The following CCDC148 variants were observed in gnomAD, a reference collection of about 807,000 sequenced individuals.
CCDC148 encodes the protein coiled-coil domain containing 148, also known as coiled-coil domain-containing protein 148.
Under a neutral mutation model 85.7 loss-of-function variants are expected in CCDC148, and 89 were observed. That is an observed-to-expected ratio of 1.04 (90% CI 0.87 to 1.24). The LOEUF (loss-of-function observed/expected upper bound fraction) is 1.24. Ranked by LOEUF, CCDC148 falls within the 50% of genes most tolerant of loss-of-function variation. The probability of loss-of-function intolerance (pLI) is 0.00; values close to 1 mark genes in which losing one functional copy is unlikely to be tolerated. For synonymous variants in CCDC148, 230 were observed against 213.9 expected, an observed-to-expected ratio of 1.08 and a Z score of -0.66; for missense variants, 692 against 671.7, an observed-to-expected ratio of 1.03 and a Z score of -0.33.
chr2:158,304,268 G>A (rs531738026), intron 9 of CCDC148, among the ~76,000 whole-genome samples: 1 of 152,114 alleles, frequency 6.6e-6, no homozygotes, highest in Non-Finnish European at 1.5e-5. Context: ...CTAAAGAAAA[G>A]GAAAGCAAGT....
intron 11 of CCDC148, among the ~76,000 whole-genome samples, chr2:158,203,167 G>T (rs7567129): frequency 0.19 from 29,113 of 152,036 alleles, 2,978 homozygotes; most frequent in Middle Eastern, 0.26. Flanking sequence ...TGTCTTATTT[G>T]CTCCCTTCTG....
At chr2:158,269,953 A>T (rs1182605589) in intron 9 of CCDC148, among the ~76,000 whole-genome samples, 4 of 152,186 alleles carry the variant, frequency 2.6e-5, no homozygotes, top group African/African-American at 9.6e-5. Context: ...AACAAAGTAG[A>T]ACCTACACTA....
At chr2:158,401,686 G>T (rs1353244581) in intron 1 of CCDC148, among the ~76,000 whole-genome samples, 1 of 151,878 alleles carries the variant, frequency 6.6e-6, no homozygotes, top group African/African-American at 2.4e-5. Context: ...GAACTTAAAA[G>T]TATAATAATA....
intron 9 of CCDC148, among the ~76,000 whole-genome samples, chr2:158,255,198 T>C (rs1688962390): frequency 6.6e-6 from 1 of 151,546 alleles, no homozygotes; most frequent in Non-Finnish European, 1.5e-5. Context: ...CTAAATTGCT[T>C]CTACTTAATA....
intron 13 of CCDC148, among the ~76,000 whole-genome samples, chr2:158,174,591 G>A (rs1684482906): frequency 6.6e-6 from 1 of 152,006 alleles, no homozygotes; most frequent in South Asian, 2.1e-4. Context: ...GTCATAGCAT[G>A]TACTTACATA....
intron 9 of CCDC148, among the ~76,000 whole-genome samples, chr2:158,267,998 T>C (rs76822784): frequency 5.3e-5 from 8 of 152,228 alleles, no homozygotes; most frequent in Non-Finnish European, 8.8e-5. Context: ...ATTCATTAGT[T>C]GTAGGACGTT....
intron 3 of CCDC148, among the ~76,000 whole-genome samples, chr2:158,342,009 T>A (rs1682726483): frequency 6.8e-6 from 1 of 146,836 alleles, no homozygotes; most frequent in South Asian, 2.1e-4. Flanking sequence ...TTTATGTACG[T>A]GTCATTATTT....
At chr2:158,267,556 C>G (rs1689521738) in intron 9 of CCDC148, among the ~76,000 whole-genome samples, 1 of 152,110 alleles carries the variant, frequency 6.6e-6, no homozygotes. Flanking sequence ...TAGGTCATAA[C>G]CTATTAGCAG....
Position 158,411,142 on chromosome 2 carries a change from T to C in CCDC148, c.25+45273A>G, listed in dbSNP as rs74318855. Among the ~76,000 whole-genome samples the C allele has an allele frequency of 2.4e-3, 372 of 152,296 alleles. 8 individuals are homozygous for C. In the East Asian group the frequency reaches 0.061, roughly 25 times the overall value. On this transcript the variant is annotated intron_variant, in intron 1 of 13. Transcript: ENST00000283233. ...ATTGTCTGTCTTTGACTTTTTACAG[T>C]TATAATGTGCCTCAGAGTAGACCTC...
intron 1 of CCDC148, among the ~76,000 whole-genome samples, chr2:158,371,031 T>C (rs1467769828): frequency 1.3e-5 from 2 of 152,106 alleles, no homozygotes; most frequent in East Asian, 3.9e-4. Context: ...AAATTTTTCT[T>C]ATTTTATAGG....
chr2:158,234,701 C>T (rs774393946), intron 10 of CCDC148, among the ~76,000 whole-genome samples: 1 of 151,920 alleles, frequency 6.6e-6, no homozygotes, highest in Non-Finnish European at 1.5e-5. Context: ...TATGCAACCA[C>T]TAAAAATTAT....
intron 9 of CCDC148, among the ~76,000 whole-genome samples, chr2:158,297,696 G>A (rs1348576297): frequency 2.0e-5 from 3 of 152,164 alleles, no homozygotes; most frequent in African/African-American, 4.8e-5. Flanking sequence ...GGAGGGGGCA[G>A]AGAAGCAAGC....
intron 9 of CCDC148, 56 bp downstream of exon 9, chr2:158,309,377 A>G (rs1279212271): frequency 1.4e-6 from 2 of 1,432,402 alleles, no homozygotes; most frequent in Non-Finnish European, 1.9e-6. Flanking sequence ...AACAAAAGGG[A>G]AAAATGGATT....
At chr2:158,420,540 G>C (rs1686724084) in intron 1 of CCDC148, among the ~76,000 whole-genome samples, 1 of 152,102 alleles carries the variant, frequency 6.6e-6, no homozygotes, top group Non-Finnish European at 1.5e-5. Flanking sequence ...CAAATACTGA[G>C]AGATTTTGTC....
At chr2:158,431,109 A>G (rs922929279) in intron 1 of CCDC148, among the ~76,000 whole-genome samples, 1 of 152,008 alleles carries the variant, frequency 6.6e-6, no homozygotes, top group African/African-American at 2.4e-5. Context: ...GAATACTAAT[A>G]TACATGTAAG....
At chr2:158,359,596 C>G (rs971674594) in intron 1 of CCDC148, among the ~76,000 whole-genome samples, 2 of 152,114 alleles carry the variant, frequency 1.3e-5, no homozygotes, top group Non-Finnish European at 2.9e-5. Flanking sequence ...AAACTCCCTC[C>G]CCTAGCCAAG....
chr2:158,379,242 T>G (rs956340819), intron 1 of CCDC148, among the ~76,000 whole-genome samples: 2 of 152,100 alleles, frequency 1.3e-5, no homozygotes, highest in African/African-American at 2.4e-5. Flanking sequence ...AGGAAGTAAC[T>G]GCAGATGTGG....
chr2:158,181,189 G>GAA (rs1370830444), intron 11 of CCDC148, among the ~76,000 whole-genome samples: 8 of 152,182 alleles, frequency 5.3e-5, no homozygotes, highest in Admixed American at 5.2e-4. Context: ...TATATAGGTT[G>GAA]CTTTGTCTGC....
intron 9 of CCDC148, among the ~76,000 whole-genome samples, chr2:158,296,827 C>A (rs1176828931): frequency 6.6e-6 from 1 of 152,136 alleles, no homozygotes; most frequent in Non-Finnish European, 1.5e-5. Flanking sequence ...AGTCCTCGAA[C>A]CCTGGGAATT....
Sources: allele counts gnomAD v4.1 joint callset (sites outside exome capture counted in the v4.1 genomes callset), GRCh38; gene constraint gnomAD v4.1.1; transcripts MANE v1.5; gene names NCBI Gene and HGNC (gene_info 2026-07-23, HGNC 2026-07-21).